The following CLOCK variants were observed in gnomAD, a reference collection of about 807,000 sequenced individuals.
CLOCK encodes clock circadian regulator.
Under a neutral mutation model 118.4 loss-of-function variants are expected in CLOCK, and 43 were observed. The observed-to-expected ratio is 0.36, with a 90% CI of 0.28 to 0.47. CLOCK has a LOEUF of 0.47. Among genes scored for constraint, CLOCK ranks in the 20% least tolerant of loss-of-function variants. CLOCK has a pLI of 1.00. For synonymous variants in CLOCK, 326 were observed against 339.2 expected (o/e 0.96, Z 0.43); for missense variants, 846 against 999.9 (o/e 0.85, Z 2.08).
chr4:55,516,777 T>G lies in CLOCK; in HGVS notation c.-289-6712A>C, dbSNP rs1316376311. On this transcript the variant is annotated intron_variant, in intron 1 of 22. Transcript: ENST00000513440. ...TTATTCCTATTTTAGTCTTCCAGTC[T>G]TTTTCTGCCTGTTGTAGTTTTACAT... Among the ~76,000 whole-genome samples, 4 of 152,242 alleles carry G rather than the reference T, an allele frequency of 2.6e-5. No homozygotes were observed. The East Asian group carries it at 7.7e-4, about 29-fold the overall frequency.
chr4:55,436,307 G>C (rs1717426479), intron 22 of CLOCK, among the ~76,000 whole-genome samples: 1 of 152,158 alleles, frequency 6.6e-6, no homozygotes, highest in Non-Finnish European at 1.5e-5. Flanking sequence ...AAAGGCACAG[G>C]ATTTGCAGAC....
intron 1 of CLOCK, among the ~76,000 whole-genome samples, chr4:55,528,795 G>A (rs1730359977): frequency 6.6e-6 from 1 of 152,126 alleles, no homozygotes; most frequent in African/African-American, 2.4e-5. Flanking sequence ...TTTTCCTAAA[G>A]ACAGTTAACA....
chr4:55,490,536 G>A lies in CLOCK; in HGVS notation c.-135-1071C>T, dbSNP rs188912375. Among the ~76,000 whole-genome samples, 153 of 152,142 alleles carry A rather than the reference G, an allele frequency of 1.0e-3. 2 individuals carry two copies. The highest frequency in any genetic ancestry group is 3.4e-3 in the Middle Eastern group (1 of 294). On this transcript the variant is annotated intron_variant, in intron 2 of 22. Coordinates refer to ENST00000513440, the MANE Select transcript of CLOCK (RefSeq NM_004898.4). ...CATCCTTTGTTATCTGACATGGACT[G>A]GTTCCAGGACCCCCCACCAAATATT...
chr4:55,501,356 A>C (rs1728423855), intron 2 of CLOCK, among the ~76,000 whole-genome samples: 1 of 142,282 alleles, frequency 7.0e-6, no homozygotes, highest in Admixed American at 6.9e-5. Flanking sequence ...GAATTACTAC[A>C]TTTTTGTGTA....
intron 1 of CLOCK, among the ~76,000 whole-genome samples, chr4:55,526,859 A>G (rs539197598): frequency 1.9e-3 from 289 of 149,184 alleles, no homozygotes; most frequent in Middle Eastern, 3.5e-3. Context: ...AGGCAAGAGA[A>G]TGGCATGAAC....
At chr4:55,533,505 T>C (rs968846784) in intron 1 of CLOCK, among the ~76,000 whole-genome samples, 10 of 152,212 alleles carry the variant, frequency 6.6e-5, no homozygotes, top group Non-Finnish European at 1.3e-4. Flanking sequence ...TCAACACTTT[T>C]TAATTAAGTA....
intron 3 of CLOCK, chr4:55,486,313 T>C (rs1727293007): frequency 6.6e-6 from 1 of 152,220 alleles, no homozygotes; most frequent in Admixed American, 6.5e-5. Flanking sequence ...TTACACATTC[T>C]ACCAATTTCA....
At chr4:55,438,612 A>G in intron 21 of CLOCK, 75 bp from the exon 22 acceptor site, 4 of 1,605,356 alleles carry the variant, frequency 2.5e-6, no homozygotes, top group Non-Finnish European at 3.4e-6. Context: ...TGGAGTAAAT[A>G]CTTACCTAAG....
intron 22 of CLOCK, among the ~76,000 whole-genome samples, chr4:55,437,181 A>T (rs1299678290): frequency 6.6e-6 from 1 of 152,236 alleles, no homozygotes; most frequent in East Asian, 1.9e-4. Flanking sequence ...AGTTTTCTAC[A>T]TCACAAAGAC....
chr4:55,490,838 A>T (rs576600139), intron 2 of CLOCK, among the ~76,000 whole-genome samples: 36 of 152,270 alleles, frequency 2.4e-4, no homozygotes, highest in African/African-American at 8.7e-4. Flanking sequence ...TATAGACCAA[A>T]TGGACCTAAC....
intron 2 of CLOCK, among the ~76,000 whole-genome samples, chr4:55,504,006 C>T (rs1420256424): frequency 1.5e-5 from 1 of 64,644 alleles, no homozygotes; most frequent in Non-Finnish European, 3.7e-5. Context: ...AAAAAAAAGC[C>T]GGGCACAGTG....
Position 55,470,795 on chromosome 4 carries a change from A to G in CLOCK, c.360T>C (p.Gly120=), listed in dbSNP as rs1334750593. 1.2e-6 allele frequency: 2 copies of G among 1,609,136 alleles called. No homozygotes were observed. The highest frequency in any genetic ancestry group is 3.3e-5 in the Admixed American group (2 of 59,940). ...FTQLMLEALD[G]FFLAIMTDGS... is the part of the protein sequence containing the mutation. ...CATCTGTCATGATTGCTAAAAAAAA[A>G]CCATCAAGAGCCTGAAATTAAACAT... Residue 120 remains glycine (G), a synonymous_variant, in exon 8 of 23, where the codon GGT becomes GGC. Transcript: ENST00000513440.
intron 19 of CLOCK, among the ~76,000 whole-genome samples, chr4:55,444,249 C>G (rs566072276): frequency 4.6e-5 from 7 of 152,216 alleles, no homozygotes; most frequent in African/African-American, 1.7e-4. Flanking sequence ...GCTGGTTGGT[C>G]ATATAAGACT....
chr4:55,451,099 T>C (rs888200291), intron 15 of CLOCK, among the ~76,000 whole-genome samples: 1 of 151,744 alleles, frequency 6.6e-6, no homozygotes, highest in African/African-American at 2.4e-5. Context: ...CACTGCCCCA[T>C]TTCTCTTCTC....
intron 1 of CLOCK, among the ~76,000 whole-genome samples, chr4:55,520,697 A>G (rs1729800237): frequency 6.6e-6 from 1 of 152,312 alleles, no homozygotes; most frequent in African/African-American, 2.4e-5. Context: ...TACAAGCTAC[A>G]AATTTTAGAG....
chr4:55,512,759 G>C (rs1335028251), intron 1 of CLOCK, among the ~76,000 whole-genome samples: 1 of 152,010 alleles, frequency 6.6e-6, no homozygotes, highest in African/African-American at 2.4e-5. Flanking sequence ...AAGGTCTGTC[G>C]AGATTCATTT....
intron 9 of CLOCK, among the ~76,000 whole-genome samples, chr4:55,462,741 T>C (rs534335594): frequency 2.0e-5 from 3 of 152,326 alleles, no homozygotes; most frequent in African/African-American, 7.2e-5. Flanking sequence ...TCATATGAAC[T>C]TGGTTTTAAA....
Position 55,430,711 on chromosome 4 carries a change from A to T in CLOCK, c.*4704T>A, listed in dbSNP as rs1722440629. Reference sequence around the variant, plus strand: ...TTAAAACACTCAGAATAATTCTTGAAATTATTATATTCTAAAATGTTACTA... The same window carrying T: ...TTAAAACACTCAGAATAATTCTTGATATTATTATATTCTAAAATGTTACTA... On this transcript the variant is annotated 3_prime_UTR_variant, in exon 23 of 23. Coordinates refer to ENST00000513440, the MANE Select transcript of CLOCK (RefSeq NM_004898.4). The T allele has an allele frequency of 6.6e-6, 1 of 152,192 alleles. No individual in the cohort carries two copies. The allele number at this position is 152,192 out of a possible 1,614,324, so 9.4% of individuals were successfully genotyped here.
rs369781199 is a variant in CLOCK at position 55,492,838 on chromosome 4, C to G, written c.-135-3373G>C. 5.9e-5 allele frequency among the ~76,000 whole-genome samples: 9 copies of G among 152,198 alleles called. 1 individual carries two copies. The South Asian group carries it at 1.7e-3, about 28-fold the overall frequency. On this transcript the variant is annotated intron_variant, in intron 2 of 22. Coordinates refer to ENST00000513440, the MANE Select transcript of CLOCK (RefSeq NM_004898.4). ...CTGACCTGGGTGACAGAGCGAGATT[C>G]TGTCTCTAAAAAAAATAAAATAAAA...
Sources: gnomAD v4.1 joint callset for allele counts (sites outside exome capture counted in the v4.1 genomes callset) on GRCh38, gnomAD v4.1.1 for gene constraint, MANE v1.5 for transcripts, NCBI Gene and HGNC (gene_info 2026-07-23, HGNC 2026-07-21) for gene names.